Variants in CDH15 observed in about 807,000 individuals in gnomAD.
CDH15 encodes cadherin 15.
A neutral mutation model predicts 69.4 loss-of-function variants in CDH15; 73 were observed. That is an observed-to-expected ratio of 1.05 (90% CI 0.87 to 1.28). The LOEUF is 1.28. CDH15 is among the 50% of genes most tolerant of loss of function. The pLI, the probability that CDH15 is intolerant of heterozygous loss-of-function variation, is 0.00. For missense variants in CDH15, 1,343 were observed against 1,133.6 expected (o/e 1.18, Z -2.65); for synonymous variants, 624 against 507.7 (o/e 1.23, Z -3.08).
rs1334475376 is a variant in CDH15, at chr16:89,193,529, C to T, written c.1915C>T (p.Leu639=). 1 of 1,612,016 alleles carries T rather than the reference C, an allele frequency of 6.2e-7. No individual in the cohort carries two copies. The highest frequency in any genetic ancestry group is 1.6e-4 in the Middle Eastern group (1 of 6,072). ...CTGGAAGCAGTCTCGGGGCAAGGGG[C>T]TGCTGCACGGCCCCCAGGACGACCT... ...RFWKQSRGKG[L]LHGPQDDLRD... The change falls in exon 12 of 14, where the codon CTG becomes TTG. Residue 639 remains leucine, a synonymous_variant. Coordinates refer to ENST00000289746, the MANE Select transcript of CDH15 (RefSeq NM_004933.3).
intron 13 of CDH15, 61 bp downstream of exon 13, chr16:89,193,974 A>C (rs1450962470): frequency 1.3e-6 from 2 of 1,554,800 alleles, no homozygotes; most frequent in Non-Finnish European, 8.8e-7. Flanking sequence ...ACACACATGC[A>C]CATGTACACA....
intron 7 of CDH15, among the ~76,000 whole-genome samples, chr16:89,189,515 G>C (rs1915591193): frequency 6.6e-6 from 1 of 152,256 alleles, no homozygotes; most frequent in African/African-American, 2.4e-5. Flanking sequence ...GGGAGGGCAT[G>C]GAGCCCCCCA....
At position 89,185,144 on chromosome 16, in the gene CDH15, T is replaced by C. The variant is rs200113080; in HGVS notation, c.503-29T>C. ...CCCAGCCCATCGGCCCTGTGGACGTTGGCCCTCACGCCTCCCTGTGCTTCC... is the reference window on the plus strand; with the variant it reads ...CCCAGCCCATCGGCCCTGTGGACGTCGGCCCTCACGCCTCCCTGTGCTTCC... On this transcript the variant is annotated intron_variant, in intron 4 of 13. Coordinates refer to ENST00000289746, the MANE Select transcript of CDH15 (RefSeq NM_004933.3). The C allele has an allele frequency of 3.1e-5, 48 of 1,570,060 alleles. No homozygotes were observed. The African/African-American group carries it at 6.3e-4, about 21-fold the overall frequency.
intron 3 of CDH15, 150 bp from the exon 4 acceptor site, chr16:89,183,398 A>G (rs1915417770): frequency 5.9e-6 from 5 of 845,884 alleles, no homozygotes; most frequent in Admixed American, 4.4e-5. Flanking sequence ...ACTGTGACAG[A>G]TGCCCCACCC....
intron 4 of CDH15, among the ~76,000 whole-genome samples, chr16:89,184,194 C>G (rs1372225849): frequency 6.6e-6 from 1 of 152,186 alleles, no homozygotes; most frequent in Non-Finnish European, 1.5e-5. Flanking sequence ...CTGGCCCAGG[C>G]TCAGGCTTGG....
chr16:89,192,585 G>T (rs1386569631), intron 11 of CDH15, 141 bp downstream of exon 11: 31 of 414,758 alleles, frequency 7.5e-5, no homozygotes, highest in East Asian at 3.6e-4. Flanking sequence ...CAGCCACGCC[G>T]CTTCCTCCCC....
intron 3 of CDH15, 67 bp from the exon 4 acceptor site, chr16:89,183,481 A>G (rs928236618): frequency 3.2e-6 from 5 of 1,581,212 alleles, no homozygotes; most frequent in Non-Finnish European, 4.3e-6. Context: ...TCTCTTTCGC[A>G]TGGCCCTAAC....
intron 9 of CDH15, 48 bp downstream of exon 9, chr16:89,191,520 G>T (rs1210332700): frequency 1.2e-6 from 2 of 1,605,362 alleles, no homozygotes; most frequent in Non-Finnish European, 1.7e-6. Context: ...CCTTGTCCCG[G>T]CTGAGCACCC....
intron 7 of CDH15, among the ~76,000 whole-genome samples, chr16:89,188,754 A>C (rs1198606002): frequency 7.3e-6 from 1 of 136,686 alleles, no homozygotes; most frequent in Non-Finnish European, 1.6e-5. Flanking sequence ...GCACACACAG[A>C]TGCCCACACA....
chr16:89,173,457 C>T (rs925563235), intron 1 of CDH15, among the ~76,000 whole-genome samples: 73 of 152,304 alleles, frequency 4.8e-4, no homozygotes, highest in Admixed American at 2.0e-3. Context: ...CTTCTTTTCT[C>T]GCCCAGGGCT....
At chr16:89,175,287 G>C (rs1366601061) in intron 1 of CDH15, among the ~76,000 whole-genome samples, 2 of 152,204 alleles carry the variant, frequency 1.3e-5, no homozygotes, top group Non-Finnish European at 2.9e-5. Flanking sequence ...ACGTCTGCCC[G>C]GGTGGGGGTG....
chr16:89,184,384 G>A (rs888024801), intron 4 of CDH15, among the ~76,000 whole-genome samples: 5 of 152,204 alleles, frequency 3.3e-5, no homozygotes, highest in Admixed American at 1.3e-4. Context: ...CACCTCGGTG[G>A]CTAAGTCCAC....
At position 89,191,555 on chromosome 16, in the gene CDH15, C is replaced by A. The variant is rs554424574; in HGVS notation, c.1375+83C>A. The A allele has an allele frequency of 1.7e-3, 2,719 of 1,588,724 alleles. 5 individuals are homozygous for A. Among genetic ancestry groups the A allele is most frequent in the Middle Eastern group, 6.1e-3 (35 of 5,742 alleles). ...CCTGCCAGTGTCGGAGGGCTCTGCC[C>A]ATGTCGCCCGGGGGCTCAGAGCTGC... On this transcript the variant is annotated intron_variant, in intron 9 of 13. Transcript: ENST00000289746.
intron 7 of CDH15, 110 bp downstream of exon 7, chr16:89,188,395 C>T: frequency 2.8e-6 from 2 of 705,714 alleles, no homozygotes; most frequent in Non-Finnish European, 2.5e-6. Context: ...CAGATGCCGG[C>T]ACACACACAT....
At chr16:89,193,447 G>C (rs530951284) in intron 11 of CDH15, 23 bp from the exon 12 acceptor site, 30 of 1,537,466 alleles carry the variant, frequency 2.0e-5, no homozygotes, top group Non-Finnish European at 2.6e-5. Context: ...CCTGGCCCCA[G>C]CCTGCGTCCC....
At chr16:89,182,307 C>T (rs1313637842) in intron 3 of CDH15, among the ~76,000 whole-genome samples, 1 of 140,880 alleles carries the variant, frequency 7.1e-6, no homozygotes, top group Admixed American at 7.2e-5. Flanking sequence ...TCCCAGCCTG[C>T]CCTCTCCCAG....
chr16:89,191,957 CCTCGGACGGGGG>C, intron 10 of CDH15, 63 bp downstream of exon 10: 1 of 1,454,212 alleles, frequency 6.9e-7, no homozygotes, highest in South Asian at 1.3e-5. Context: ...CACATTCCGG[CCTCGGACGGGGG>C]CAGGAGGGTG....
intron 1 of CDH15, among the ~76,000 whole-genome samples, chr16:89,175,538 G>A (rs369316049): frequency 6.6e-6 from 1 of 152,240 alleles, no homozygotes; most frequent in Non-Finnish European, 1.5e-5. Context: ...ACCACCACAG[G>A]CTCCCGGGGG....
chr16:89,187,994 G>A, intron 6 of CDH15, 106 bp from the exon 7 acceptor site: 1 of 1,000,564 alleles, frequency 1.0e-6, no homozygotes, highest in East Asian at 2.6e-5. Context: ...CCTGCTGGGA[G>A]GCAGGAGGGA....
Sources: allele counts gnomAD v4.1 joint callset (sites outside exome capture counted in the v4.1 genomes callset), GRCh38; gene constraint gnomAD v4.1.1; transcripts MANE v1.5; gene names NCBI Gene and HGNC (gene_info 2026-07-23, HGNC 2026-07-21).